Variants in HCN1 observed in about 807,000 individuals in gnomAD.
The protein encoded by HCN1 is hyperpolarization activated cyclic nucleotide gated potassium channel 1, also known as potassium/sodium hyperpolarization-activated cyclic nucleotide-gated channel 1.
Under a neutral mutation model 78.9 loss-of-function variants are expected in HCN1, and 13 were observed. The observed-to-expected ratio is 0.16, with a 90% CI of 0.11 to 0.26. HCN1 has a LOEUF of 0.26. Ranked by LOEUF, HCN1 falls within the 10% of genes least tolerant of loss-of-function variation. The pLI is 1.00. For missense variants in HCN1, 810 were observed against 1,154.3 expected (o/e 0.70, Z 4.32); for synonymous variants, 552 against 455.5 (o/e 1.21, Z -2.70).
At chr5:45,380,571 A>T (rs1177840119) in intron 4 of HCN1, among the ~76,000 whole-genome samples, 1 of 152,128 alleles carries the variant, frequency 6.6e-6, no homozygotes, top group Non-Finnish European at 1.5e-5. Flanking sequence ...CACATTTTTC[A>T]TCAGAAGAAA....
intron 2 of HCN1, among the ~76,000 whole-genome samples, chr5:45,607,417 T>A (rs1744744780): frequency 6.6e-6 from 1 of 151,560 alleles, no homozygotes. Flanking sequence ...CCAAAATGGT[T>A]AATAAAAGAA....
chr5:45,664,224 C>T (rs180891845), intron 1 of HCN1, among the ~76,000 whole-genome samples: 9 of 90,856 alleles, frequency 9.9e-5, no homozygotes, highest in African/African-American at 1.3e-4. Context: ...AACCAAACAC[C>T]GCATATTCTC....
At chr5:45,357,926 A>T (rs1454982753) in intron 4 of HCN1, among the ~76,000 whole-genome samples, 1 of 151,890 alleles carries the variant, frequency 6.6e-6, no homozygotes, top group Non-Finnish European at 1.5e-5. Context: ...CTTGATGATA[A>T]AAAGATTCTG....
chr5:45,375,951 T>A (rs1284013160), intron 4 of HCN1, among the ~76,000 whole-genome samples: 1 of 119,264 alleles, frequency 8.4e-6, no homozygotes, highest in African/African-American at 3.5e-5. Context: ...ATCACATATA[T>A]TATATATGAT....
rs1561076846 is a variant in HCN1, at chr5:45,257,495, C to A, written c.*4426G>T. ...CATTATCTGTAGGTTCTTTTAAGAT[C>A]ATCTTTAAATAATTTTCAAGGTGGG... is the stretch of plus-strand genomic sequence containing the variant. On this transcript the variant is annotated 3_prime_UTR_variant, in exon 8 of 8. Coordinates refer to ENST00000303230, the MANE Select transcript of HCN1 (RefSeq NM_021072.4). The A allele has an allele frequency of 6.6e-6, 1 of 152,106 alleles. No individual in the cohort carries two copies. The highest frequency in any genetic ancestry group is 1.5e-5 in the Non-Finnish European group (1 of 68,030). The allele number at this position is 152,106 out of a possible 1,614,324, so 9.4% of individuals were successfully genotyped here.
intron 4 of HCN1, among the ~76,000 whole-genome samples, chr5:45,393,778 T>C (rs1193204108): frequency 2.0e-5 from 3 of 152,192 alleles, no homozygotes; most frequent in Non-Finnish European, 4.4e-5. Context: ...AAAAAGATGC[T>C]AAGTAAGGAC....
chr5:45,293,479 AAAAACAAAACAAAAC>A (rs531512653), intron 6 of HCN1, among the ~76,000 whole-genome samples: 2 of 151,820 alleles, frequency 1.3e-5, no homozygotes, highest in Non-Finnish European at 2.9e-5. Flanking sequence ...CATGGTCTAC[AAAAACAAAACAAAAC>A]AAAACAAAAC....
intron 6 of HCN1, among the ~76,000 whole-genome samples, chr5:45,273,298 G>A (rs1336778967): frequency 6.6e-6 from 1 of 151,458 alleles, no homozygotes; most frequent in Non-Finnish European, 1.5e-5. Context: ...GTGTGGCCTG[G>A]GAGACTAGAT....
At chr5:45,352,255 C>A (rs552567451) in intron 5 of HCN1, among the ~76,000 whole-genome samples, 1 of 152,090 alleles carries the variant, frequency 6.6e-6, no homozygotes, top group South Asian at 2.1e-4. Context: ...AATCATCATT[C>A]TCAGTAAACT....
At chr5:45,515,086 GAT>G (rs1742491843) in intron 2 of HCN1, among the ~76,000 whole-genome samples, 1 of 151,824 alleles carries the variant, frequency 6.6e-6, no homozygotes, top group Non-Finnish European at 1.5e-5. Context: ...ACTTTTTCAT[GAT>G]ATATAGACCC....
intron 1 of HCN1, among the ~76,000 whole-genome samples, chr5:45,646,545 AT>A (rs751112723): frequency 1.3e-5 from 2 of 151,614 alleles, no homozygotes; most frequent in Non-Finnish European, 2.9e-5. Context: ...CTAAAAAAAA[AT>A]CTTTAACATT....
At chr5:45,512,476 A>C (rs1278476810) in intron 2 of HCN1, among the ~76,000 whole-genome samples, 1 of 152,162 alleles carries the variant, frequency 6.6e-6, no homozygotes, top group Non-Finnish European at 1.5e-5. Context: ...AGTTATTAAC[A>C]GATTAGTATG....
chr5:45,292,430 C>T (rs560222482), intron 6 of HCN1, among the ~76,000 whole-genome samples: 2 of 151,982 alleles, frequency 1.3e-5, no homozygotes, highest in African/African-American at 2.4e-5. Context: ...ACATTTTCAT[C>T]ACAACAGAAA....
intron 3 of HCN1, among the ~76,000 whole-genome samples, chr5:45,424,859 T>C (rs2112071018): frequency 6.6e-6 from 1 of 152,288 alleles, no homozygotes; most frequent in Admixed American, 6.5e-5. Flanking sequence ...TCTCATACTG[T>C]GTATATACAT....
chr5:45,482,981 T>C (rs1741686585), intron 2 of HCN1, among the ~76,000 whole-genome samples: 2 of 152,232 alleles, frequency 1.3e-5, no homozygotes, highest in South Asian at 4.1e-4. Context: ...GGTGTATATG[T>C]ACCACATTTT....
chr5:45,517,302 T>G (rs1742532006), intron 2 of HCN1, among the ~76,000 whole-genome samples: 1 of 151,970 alleles, frequency 6.6e-6, no homozygotes, highest in South Asian at 2.1e-4. Flanking sequence ...TTATTTTTAC[T>G]TCTTTATTAA....
intron 6 of HCN1, among the ~76,000 whole-genome samples, chr5:45,292,296 A>C (rs150715335): frequency 1.3e-5 from 2 of 152,130 alleles, no homozygotes; most frequent in East Asian, 3.9e-4. Context: ...CATTTAATTC[A>C]ATTTAAAATG....
intron 3 of HCN1, among the ~76,000 whole-genome samples, chr5:45,408,364 AT>A (rs1162543771): frequency 1.3e-5 from 2 of 151,982 alleles, no homozygotes; most frequent in Non-Finnish European, 2.9e-5. Flanking sequence ...ATACCCTTTT[AT>A]TTTTTATACT....
rs566400198 is a variant in HCN1, at chr5:45,554,014, C to A, written c.849+91171G>T. On this transcript the variant is annotated intron_variant, in intron 2 of 7. Coordinates refer to ENST00000303230, the MANE Select transcript of HCN1 (RefSeq NM_021072.4). Reference sequence around the variant, plus strand: ...CTTACACATTAAATTATTACTAAATCCCAACATCCAAGTTAGCTATGGAAT... The same window carrying A: ...CTTACACATTAAATTATTACTAAATACCAACATCCAAGTTAGCTATGGAAT... Among the ~76,000 whole-genome samples, 304 of 151,944 alleles carry A rather than the reference C, an allele frequency of 2.0e-3. 2 individuals carry two copies. Among genetic ancestry groups the A allele is most frequent in the South Asian group, 0.018 (89 of 4,818 alleles).
Sources: allele counts gnomAD v4.1 joint callset (sites outside exome capture counted in the v4.1 genomes callset), GRCh38; gene constraint gnomAD v4.1.1; transcripts MANE v1.5; gene names NCBI Gene and HGNC (gene_info 2026-07-23, HGNC 2026-07-21).